Variants in USP12 observed in about 807,000 individuals in gnomAD.
USP12 encodes the protein ubiquitin carboxyl-terminal hydrolase 12.
Under a neutral mutation model 45.5 loss-of-function variants are expected in USP12, and 19 were observed. The observed-to-expected ratio is 0.42, with a 90% CI of 0.29 to 0.61. USP12 has a LOEUF of 0.61. USP12 is among the 20% of genes least tolerant of loss of function. USP12 has a pLI of 0.22. For missense variants in USP12, 242 were observed against 447.7 expected (o/e 0.54, Z 4.15); for synonymous variants, 149 against 148.8 (o/e 1.00, Z -0.01).
chr13:27,142,495 C>A (rs1452134769), intron 1 of USP12, among the ~76,000 whole-genome samples: 1 of 152,088 alleles, frequency 6.6e-6, no homozygotes. Flanking sequence ...AAGAGAATGT[C>A]CCTGTTACTG....
intron 1 of USP12, among the ~76,000 whole-genome samples, chr13:27,119,523 A>T (rs1476499906): frequency 2.0e-5 from 3 of 152,188 alleles, no homozygotes; most frequent in Non-Finnish European, 4.4e-5. Context: ...TTCCAAATTT[A>T]TCTGTTGGGT....
intron 1 of USP12, among the ~76,000 whole-genome samples, chr13:27,148,793 A>C (rs1877430642): frequency 1.7e-4 from 1 of 5,756 alleles, no homozygotes; most frequent in African/African-American, 4.2e-4. Context: ...GAATCATCTT[A>C]ATACACACAC....
chr13:27,111,913 TG>T (rs56715131), intron 2 of USP12, among the ~76,000 whole-genome samples: 7,016 of 152,284 alleles, frequency 0.046, 189 homozygotes, highest in Middle Eastern at 0.058. Context: ...CTATCAAAAC[TG>T]AAAAAGATAC....
At chr13:27,158,850 G>A (rs922005177) in intron 1 of USP12, among the ~76,000 whole-genome samples, 1 of 152,166 alleles carries the variant, frequency 6.6e-6, no homozygotes, top group Non-Finnish European at 1.5e-5. Context: ...GCACACAAGA[G>A]TTTTGACATG....
At chr13:27,104,529 G>C (rs1346504323) in intron 3 of USP12, among the ~76,000 whole-genome samples, 1 of 152,174 alleles carries the variant, frequency 6.6e-6, no homozygotes, top group African/African-American at 2.4e-5. Context: ...AAGATAAACA[G>C]ATCTATAATC....
At chr13:27,158,480 T>C (rs1199037805) in intron 1 of USP12, among the ~76,000 whole-genome samples, 1 of 152,186 alleles carries the variant, frequency 6.6e-6, no homozygotes, top group Non-Finnish European at 1.5e-5. Context: ...AATTTCATCA[T>C]GGTGCGTATG....
At chr13:27,133,602 C>G (rs1456966621) in intron 1 of USP12, among the ~76,000 whole-genome samples, 1 of 147,388 alleles carries the variant, frequency 6.8e-6, no homozygotes, top group African/African-American at 2.5e-5. Context: ...GCGCTCCAGC[C>G]TGCGACAGAG....
chr13:27,095,519 C>T (rs1874535329), intron 4 of USP12, 82 bp downstream of exon 4: 1 of 1,027,310 alleles, frequency 9.7e-7, no homozygotes, highest in Non-Finnish European at 1.4e-6. Flanking sequence ...TCAAGTTCAT[C>T]TTCCATTCTG....
chr13:27,168,144 T>C (rs1878429964), intron 1 of USP12, among the ~76,000 whole-genome samples: 1 of 152,182 alleles, frequency 6.6e-6, no homozygotes, highest in Admixed American at 6.6e-5. Context: ...TTTGGCCTCA[T>C]TACCACCATG....
At chr13:27,151,733 C>G (rs1566004727) in intron 1 of USP12, among the ~76,000 whole-genome samples, 1 of 152,262 alleles carries the variant, frequency 6.6e-6, no homozygotes, top group East Asian at 1.9e-4. Flanking sequence ...GATCATGTCA[C>G]TACACTCCAG....
At chr13:27,095,539 A>G in intron 4 of USP12, 62 bp downstream of exon 4, 1 of 1,221,654 alleles carries the variant, frequency 8.2e-7, no homozygotes. Flanking sequence ...GTCTTTCTCA[A>G]AGAACAACCT....
intron 1 of USP12, among the ~76,000 whole-genome samples, chr13:27,147,194 C>T (rs1566003167): frequency 1.3e-5 from 2 of 152,194 alleles, no homozygotes; most frequent in Non-Finnish European, 2.9e-5. Context: ...ATAAACTCCA[C>T]GCAGCCTACA....
Position 27,151,530 on chromosome 13 carries a change from C to A in USP12, c.48+20062G>T, listed in dbSNP as rs1395912259. 2.0e-5 allele frequency among the ~76,000 whole-genome samples: 3 copies of A among 152,036 alleles called. No individual in the cohort carries two copies. The South Asian group carries it at 6.2e-4, about 31-fold the overall frequency. On this transcript the variant is annotated intron_variant, in intron 1 of 8. Transcript: ENST00000282344. The stretch of plus-strand genomic sequence containing the variant: ...GGCAGGGTGGCTAATGCCTGTAATC[C>A]CAGTGCTTTCGGAGGACTAGGCAAG...
chr13:27,090,208 C>T (rs1361517573), intron 4 of USP12, 50 bp from the exon 5 acceptor site: 4 of 1,438,538 alleles, frequency 2.8e-6, no homozygotes, highest in Non-Finnish European at 3.9e-6. Context: ...TAGTAAACCA[C>T]AGTTCCCAAT....
chr13:27,121,260 C>T (rs914486836), intron 1 of USP12, among the ~76,000 whole-genome samples: 5 of 151,684 alleles, frequency 3.3e-5, no homozygotes, highest in Non-Finnish European at 5.9e-5. Flanking sequence ...CATAACTAGG[C>T]CCTCGTAAAA....
intron 1 of USP12, among the ~76,000 whole-genome samples, chr13:27,148,795 T>TAC (rs58820564): frequency 1.1e-4 from 16 of 141,798 alleles, no homozygotes; most frequent in East Asian, 7.9e-4. Flanking sequence ...ATCATCTTAA[T>TAC]ACACACACAC....
intron 1 of USP12, among the ~76,000 whole-genome samples, chr13:27,144,164 A>C (rs1228913219): frequency 1.3e-5 from 2 of 151,596 alleles, no homozygotes. Flanking sequence ...GCACCACTGC[A>C]CTCCAGCCTG....
chr13:27,101,061 C>T (rs1345061208), intron 3 of USP12, among the ~76,000 whole-genome samples: 1 of 152,184 alleles, frequency 6.6e-6, no homozygotes. Flanking sequence ...TCTTTTAACA[C>T]AGAGCAATGA....
At chr13:27,072,766 A>T (rs1342055893) in intron 7 of USP12, among the ~76,000 whole-genome samples, 7 of 152,164 alleles carry the variant, frequency 4.6e-5, no homozygotes, top group Non-Finnish European at 1.0e-4. Context: ...GTAATACTTA[A>T]GTCAACAAAC....
Sources: gnomAD v4.1 joint callset for allele counts (sites outside exome capture counted in the v4.1 genomes callset) on GRCh38, gnomAD v4.1.1 for gene constraint, MANE v1.5 for transcripts, NCBI Gene and HGNC (gene_info 2026-07-23, HGNC 2026-07-21) for gene names.